PWWP3B: variants seen among roughly 807,000 people sequenced by gnomAD.
The protein encoded by PWWP3B is PWWP domain-containing DNA repair factor 3B.
PWWP3B carries 5 observed loss-of-function variants against 15.7 expected under a neutral mutation model. The ratio of observed to expected loss-of-function variants is 0.32; its 90% CI spans 0.17 to 0.67. The LOEUF is 0.67. Ranked by LOEUF, PWWP3B falls within the 30% of genes least tolerant of loss-of-function variation. The pLI is 0.74. For missense variants in PWWP3B, 519 were observed against 493.1 expected, an observed-to-expected ratio of 1.05 and a Z score of -0.50; for synonymous variants, 203 against 179.8, an observed-to-expected ratio of 1.13 and a Z score of -1.03.
At chrX:106,175,236 C>CTTTTTT (rs1218589426) in intron 2 of PWWP3B, among the ~76,000 whole-genome samples, 3 of 73,151 alleles carry the variant, frequency 4.1e-5, no homozygotes, top group Non-Finnish European at 5.2e-5. Flanking sequence ...GGGGTTATTT[C>CTTTTTT]TTTTTTTTTT....
Position 106,205,685 on chromosome X carries a change from GCCTATGGAAGAT to G in PWWP3B, c.255_266del (p.Tyr86_Ser89del). On this transcript the variant is annotated inframe_deletion, in exon 4 of 4. Coordinates refer to ENST00000357175, the MANE Select transcript of PWWP3B (RefSeq NM_001171020.2). Reference sequence around the variant, plus strand: ...CAGTGCTCCACCTACAGAGGAAACTGCCTATGGAAGATCACTAAAAGTGGCACTGGGTATTCT... The same window carrying G: ...CAGTGCTCCACCTACAGAGGAAACTGCACTAAAAGTGGCACTGGGTATTCT... 8.3e-7 allele frequency: 1 copy of G among 1,211,500 alleles called. No homozygotes were observed. The highest frequency in any genetic ancestry group is 1.1e-6 in the Non-Finnish European group (1 of 895,335).
At chrX:106,193,476 A>G (rs1179069565) in intron 2 of PWWP3B, among the ~76,000 whole-genome samples, 21 of 111,355 alleles carry the variant, frequency 1.9e-4, no homozygotes, top group African/African-American at 5.9e-4. Flanking sequence ...ACACTGATGG[A>G]TCTTGACTCT....
chrX:106,207,476 A>G lies in PWWP3B; in HGVS notation c.2044A>G (p.Ile682Val). The change falls in exon 4 of 4, where the codon ATA becomes GTA. Residue 682 changes from isoleucine to valine, a missense_variant. Physicochemically the swap from Ile to Val is conservative, Grantham distance 29. Transcript: ENST00000357175. The part of the protein sequence containing the change: ...YRERELFDAK[I>V]IYEKRRKAPT... The stretch of plus-strand genomic sequence containing the variant: ...GGAAAGAGAATTATTTGATGCAAAA[A>G]TAATATATGAAAAGAGACGAAAAGC... 1.7e-6 allele frequency: 2 copies of G among 1,155,453 alleles called. No homozygotes were observed. The highest frequency in any genetic ancestry group is 2.3e-6 in the Non-Finnish European group (2 of 869,468).
intron 2 of PWWP3B, among the ~76,000 whole-genome samples, chrX:106,187,026 C>T (rs940093184): frequency 8.9e-6 from 1 of 112,000 alleles, no homozygotes; most frequent in Non-Finnish European, 1.9e-5. Context: ...CAAGTCCCCA[C>T]TCGACCCAGG....
intron 2 of PWWP3B, among the ~76,000 whole-genome samples, chrX:106,192,500 A>T (rs1172104358): frequency 5.4e-5 from 6 of 110,851 alleles, no homozygotes; most frequent in African/African-American, 2.0e-4. Context: ...CAGCTCCTGG[A>T]TTCATTGATT....
Position 106,207,465 on chromosome X carries a change from T to G in PWWP3B, c.2033T>G (p.Phe678Cys). Reference protein sequence around the residue: ...PCLGYRERELFDAKIIYEKRR... With the variant: ...PCLGYRERELCDAKIIYEKRR... The stretch of plus-strand genomic sequence containing the variant: ...CTAGGCTACAGGGAAAGAGAATTAT[T>G]TGATGCAAAAATAATATATGAAAAG... The change falls in exon 4 of 4, where the codon TTT becomes TGT. Residue 678 changes from phenylalanine (F) to cysteine (C), a missense_variant. Transcript: ENST00000357175. 8.6e-7 allele frequency: 1 copy of G among 1,157,025 alleles called. No homozygotes were observed. The highest frequency in any genetic ancestry group is 1.1e-6 in the Non-Finnish European group (1 of 870,145).
At chrX:106,173,818 C>T (rs112055881) in intron 2 of PWWP3B, among the ~76,000 whole-genome samples, 2,948 of 110,926 alleles carry the variant, frequency 0.027, 105 homozygotes, top group African/African-American at 0.092. Context: ...TACAGGTGAC[C>T]CATGCATCCT....
intron 2 of PWWP3B, among the ~76,000 whole-genome samples, chrX:106,201,269 A>G (rs1159366773): frequency 9.0e-6 from 1 of 111,439 alleles, no homozygotes; most frequent in Non-Finnish European, 1.9e-5. Flanking sequence ...AAACAGAAAG[A>G]AAAACAAAAG....
chrX:106,205,810 C>T lies in PWWP3B; in HGVS notation c.378C>T (p.Ser126=), dbSNP rs375392432. 5.4e-4 allele frequency: 650 copies of T among 1,209,206 alleles called. No individual in the cohort carries two copies. Among genetic ancestry groups the T allele is most frequent in the Non-Finnish European group, 7.0e-4 (622 of 894,948 alleles). ...MLSQNVPQKQ[S]DSPPHKKYRK... is the part of the protein sequence containing the mutation. ...CTCAAAATGTACCACAAAAACAGTC[C>T]GATTCACCCCCTCATAAAAAATACC... is the stretch of plus-strand genomic sequence containing the variant. Residue 126 remains serine, a synonymous_variant, in exon 4 of 4, where the codon TCC becomes TCT. Transcript: ENST00000357175.
At chrX:106,194,599 C>T (rs1461346387) in intron 2 of PWWP3B, among the ~76,000 whole-genome samples, 5 of 112,014 alleles carry the variant, frequency 4.5e-5, no homozygotes, top group South Asian at 3.7e-4. Context: ...TGTGTTCCTT[C>T]GGAGGAGGAG....
intron 2 of PWWP3B, among the ~76,000 whole-genome samples, chrX:106,196,193 C>T (rs1385784830): frequency 1.8e-5 from 2 of 111,507 alleles, no homozygotes; most frequent in African/African-American, 6.5e-5. Flanking sequence ...TTTTTGGTAG[C>T]TCCATTGGGA....
intron 2 of PWWP3B, among the ~76,000 whole-genome samples, chrX:106,184,807 A>T (rs927474720): frequency 4.5e-5 from 5 of 111,325 alleles, no homozygotes; most frequent in Admixed American, 9.5e-5. Flanking sequence ...GGGGACATGT[A>T]CCCAGGTTGG....
intron 2 of PWWP3B, among the ~76,000 whole-genome samples, chrX:106,193,582 A>T (rs1602855536): frequency 8.9e-6 from 1 of 111,742 alleles, no homozygotes; most frequent in South Asian, 3.8e-4. Flanking sequence ...TCCTGTCATT[A>T]TGATGTTAGC....
At chrX:106,203,282 A>G (rs938662351) in intron 2 of PWWP3B, among the ~76,000 whole-genome samples, 1 of 112,099 alleles carries the variant, frequency 8.9e-6, no homozygotes, top group Non-Finnish European at 1.9e-5. Context: ...AAGCTTCTGG[A>G]TGTTTTCATA....
At chrX:106,199,211 G>T in intron 2 of PWWP3B, among the ~76,000 whole-genome samples, 1 of 110,044 alleles carries the variant, frequency 9.1e-6, no homozygotes, top group Middle Eastern at 4.6e-3. Context: ...ACCAAGCCTG[G>T]CTAATTTTTT....
intron 1 of PWWP3B, among the ~76,000 whole-genome samples, chrX:106,170,715 T>TA (rs1921573074): frequency 8.9e-6 from 1 of 111,809 alleles, no homozygotes; most frequent in Non-Finnish European, 1.9e-5. Context: ...ACAGAAATCA[T>TA]AAAAAATGCT....
At chrX:106,170,824 A>G (rs139697775) in intron 1 of PWWP3B, among the ~76,000 whole-genome samples, 188 bp from the exon 2 acceptor site, 211 of 111,754 alleles carry the variant, frequency 1.9e-3, no homozygotes, top group African/African-American at 6.7e-3. Flanking sequence ...TGATTTTAGC[A>G]TGAACGAAAT....
In PWWP3B at chrX:106,208,050, C is replaced by T. The variant is rs986211392; in HGVS notation, c.*527C>T. ...CAAAAAAATTATCTGCTATATAGAA[C>T]CAAAGATAGATTCGCTTTGCTATAT... On this transcript the variant is annotated 3_prime_UTR_variant, in exon 4 of 4. Transcript: ENST00000357175. The T allele has an allele frequency of 8.1e-6, 1 of 123,721 alleles. No individual in the cohort carries two copies. The highest frequency in any genetic ancestry group is 3.2e-5 in the African/African-American group (1 of 30,937). 10.2% of individuals were successfully genotyped at this position (123,721 alleles called of 1,213,427 possible).
intron 2 of PWWP3B, among the ~76,000 whole-genome samples, chrX:106,191,259 A>T (rs1423519642): frequency 4.6e-5 from 5 of 109,559 alleles, no homozygotes; most frequent in African/African-American, 1.7e-4. Context: ...GAGGTCCTTC[A>T]CATCCCTTGT....
Sources: allele counts gnomAD v4.1 joint callset (sites outside exome capture counted in the v4.1 genomes callset), GRCh38; gene constraint gnomAD v4.1.1; transcripts MANE v1.5; gene names NCBI Gene and HGNC (gene_info 2026-07-23, HGNC 2026-07-21).